Variants in NCOR1 observed in about 807,000 individuals in gnomAD.
NCOR1 encodes the protein protein phosphatase 1, regulatory subunit 109.
In NCOR1, 63 loss-of-function variants were observed where a neutral mutation model predicts 288.1. That is an observed-to-expected ratio of 0.22 (90% CI 0.18 to 0.27). NCOR1 has a LOEUF of 0.27. Ranked by LOEUF, NCOR1 falls within the 10% of genes least tolerant of loss-of-function variation. The pLI, the probability that NCOR1 is intolerant of heterozygous loss-of-function variation, is 1.00. For missense variants in NCOR1, 2,397 were observed against 3,019.2 expected (o/e 0.79, Z 4.83); for synonymous variants, 1,007 against 1,065.9 (o/e 0.94, Z 1.08).
In NCOR1 at chr17:16,064,857, T is replaced by C; in HGVS notation, c.5101+13A>G. ...TGGTTCTATTAGAGAGGTGTGTAAC[T>C]GTACAATCTCACCTGGAGACATGGA... is the stretch of plus-strand genomic sequence containing the variant. On this transcript the variant is annotated intron_variant, in intron 34 of 45. Transcript: ENST00000268712. 2 of 1,591,964 alleles carry C rather than the reference T, an allele frequency of 1.3e-6. No homozygotes were observed. Among genetic ancestry groups the C allele is most frequent in the Non-Finnish European group, 1.7e-6 (2 of 1,166,706 alleles).
At position 16,062,178 on chromosome 17, in the gene NCOR1, G is replaced by T; in HGVS notation, c.5314C>A (p.Pro1772Thr). The T allele has an allele frequency of 6.2e-7, 1 of 1,614,100 alleles. No individual in the cohort carries two copies. The highest frequency in any genetic ancestry group is 8.5e-7 in the Non-Finnish European group (1 of 1,180,018). Residue 1772 changes from proline (P) to threonine (T), a missense_variant, in exon 36 of 46, where the codon CCC (proline) becomes ACC (threonine). Coordinates refer to ENST00000268712, the MANE Select transcript of NCOR1 (RefSeq NM_006311.4). ...RTQETMLQQRPSVFQGTNGTS... is the reference protein window; with the variant it reads ...RTQETMLQQRTSVFQGTNGTS... Reference sequence around the variant, plus strand: ...CCATTGGTTCCTTGGAAAACACTGGGTCTCTGTTGCAACATGGTCTCCTGA... The same window carrying T: ...CCATTGGTTCCTTGGAAAACACTGGTTCTCTGTTGCAACATGGTCTCCTGA...
chr17:16,080,596 AACTCACTG>A lies in NCOR1; in HGVS notation c.3298+3_3298+10del. Reference sequence around the variant, plus strand: ...AACGTAGATGCATTATGACTGTATTAACTCACTGACCTGATTTGGCAGATTCCTGTTGC... The same window carrying A: ...AACGTAGATGCATTATGACTGTATTAACCTGATTTGGCAGATTCCTGTTGC... On this transcript the variant is annotated splice_donor_5th_base_variant and intron_variant, in intron 24 of 45. Transcript: ENST00000268712. 1 of 1,614,156 alleles carries A rather than the reference AACTCACTG, an allele frequency of 6.2e-7. No individual in the cohort carries two copies. Among genetic ancestry groups the A allele is most frequent in the Admixed American group, 1.7e-5 (1 of 60,014 alleles).
chr17:16,127,763 C>T (rs562004985), intron 14 of NCOR1, among the ~76,000 whole-genome samples: 1 of 148,762 alleles, frequency 6.7e-6, no homozygotes, highest in South Asian at 2.1e-4. Flanking sequence ...ATATATATCT[C>T]TCATAGTATA....
At chr17:16,039,717 A>C in intron 43 of NCOR1, 63 bp from the exon 44 acceptor site, 1 of 1,427,250 alleles carries the variant, frequency 7.0e-7, no homozygotes, top group Non-Finnish European at 9.7e-7. Flanking sequence ...ACAAACATGC[A>C]TTGCCCCATC....
intron 1 of NCOR1, among the ~76,000 whole-genome samples, chr17:16,200,861 C>A (rs999083485): frequency 1.3e-5 from 2 of 152,104 alleles, no homozygotes; most frequent in African/African-American, 4.8e-5. Flanking sequence ...CCTGGGCATC[C>A]CAACACCCAA....
intron 10 of NCOR1, among the ~76,000 whole-genome samples, 171 bp from the exon 11 acceptor site, chr17:16,143,867 A>T (rs2153313664): frequency 2.1e-5 from 1 of 47,586 alleles, no homozygotes; most frequent in South Asian, 4.8e-4. Context: ...GTCACCTATT[A>T]ATAACAATTT....
chr17:16,084,600 T>A (rs1486152321), intron 23 of NCOR1, among the ~76,000 whole-genome samples: 2 of 152,210 alleles, frequency 1.3e-5, no homozygotes, highest in Admixed American at 1.3e-4. Flanking sequence ...AAGACTGTGG[T>A]ACTGACAAAA....
At chr17:16,135,338 T>C (rs1233310065) in intron 14 of NCOR1, among the ~76,000 whole-genome samples, 2 of 152,114 alleles carry the variant, frequency 1.3e-5, no homozygotes, top group East Asian at 3.9e-4. Flanking sequence ...TATTTCACTG[T>C]CAACACTCAA....
intron 3 of NCOR1, among the ~76,000 whole-genome samples, chr17:16,177,468 C>T (rs1351813061): frequency 1.3e-5 from 2 of 152,138 alleles, no homozygotes; most frequent in African/African-American, 2.4e-5. Flanking sequence ...ATTGTGGCAG[C>T]CTTTCTCTTT....
At chr17:16,214,746 C>T (rs2092408781) in intron 1 of NCOR1, among the ~76,000 whole-genome samples, 1 of 152,146 alleles carries the variant, frequency 6.6e-6, no homozygotes, top group Non-Finnish European at 1.5e-5. Flanking sequence ...TCTCAAATTC[C>T]TCTCTCCCCA....
rs779559413 is a variant in NCOR1 at position 16,121,085 on chromosome 17, G to A, written c.1819C>T (p.Pro607Ser). ...SAAAAAATEE[P>S]PPPLPPPPEP... ...GGTGGCGGTGGCAGAGGTGGTGGGG[G>A]CTCTTCAGTAGCCGCTGCGGCTGCA... Residue 607 changes from proline to serine, a missense_variant, in exon 16 of 46, where the codon CCC (proline) becomes TCC (serine). Transcript: ENST00000268712. 4 of 1,613,816 alleles carry A rather than the reference G, an allele frequency of 2.5e-6. No homozygotes were observed. Among genetic ancestry groups the A allele is most frequent in the African/African-American group, 2.7e-5 (2 of 74,902 alleles).
chr17:16,096,503 A>G (rs2066644723), intron 21 of NCOR1, among the ~76,000 whole-genome samples: 1 of 152,236 alleles, frequency 6.6e-6, no homozygotes, highest in African/African-American at 2.4e-5. Context: ...ATTTATTCTA[A>G]CTATTCAAAA....
Position 16,138,221 on chromosome 17 carries a change from A to G in NCOR1, c.1353-9T>C, listed in dbSNP as rs1159406792. 1.9e-6 allele frequency: 3 copies of G among 1,606,998 alleles called. No individual in the cohort carries two copies. The highest frequency in any genetic ancestry group is 2.7e-5 in the African/African-American group (2 of 74,542). ...TTGGATGCTGGATAAACCTGAGTGA[A>G]AACGAAAACAAAAACACACTTGCGT... On this transcript the variant is annotated splice_polypyrimidine_tract_variant and intron_variant, in intron 12 of 45. Transcript: ENST00000268712.
At chr17:16,085,403 A>G (rs2064068357) in intron 23 of NCOR1, among the ~76,000 whole-genome samples, 1 of 152,222 alleles carries the variant, frequency 6.6e-6, no homozygotes, top group Admixed American at 6.5e-5. Context: ...AAATAAAAAC[A>G]TATGTCCACA....
chr17:16,199,210 A>ACACACACACAC (rs1555813660), intron 1 of NCOR1, among the ~76,000 whole-genome samples: 65 of 109,216 alleles, frequency 6.0e-4, no homozygotes, highest in Middle Eastern at 4.3e-3. Flanking sequence ...GAAGGAAAAA[A>ACACACACACAC]AAAAAAACAC....
chr17:16,057,530 C>T lies in NCOR1; in HGVS notation c.6376G>A (p.Asp2126Asn). 1 of 1,613,966 alleles carries T rather than the reference C, an allele frequency of 6.2e-7. No individual in the cohort carries two copies. Among genetic ancestry groups the T allele is most frequent in the South Asian group, 1.1e-5 (1 of 91,060 alleles). Residue 2126 changes from aspartate (D) to asparagine (N), a missense_variant, in exon 40 of 46, where the codon GAC (aspartate) becomes AAC (asparagine). By Grantham distance (23) the Asp-to-Asn change is conservative. Around this residue, in one of 11 missense-constraint regions of NCOR1, gnomAD observed 1,872 missense variants for 2,187.8 expected, o/e 0.86. Transcript: ENST00000268712. ...AGATCATACCTTCCCCTGGATTTGT[C>T]CACAAGATTTTCTGGAGAGACCCTT... Reference protein sequence around the residue: ...GSRVSPENLVDKSRGSRPGKS... With the variant: ...GSRVSPENLVNKSRGSRPGKS...
Position 16,032,448 on chromosome 17 carries a change from G to T in NCOR1, c.7171C>A (p.Arg2391=). 1 of 1,611,498 alleles carries T rather than the reference G, an allele frequency of 6.2e-7. No individual in the cohort carries two copies. The highest frequency in any genetic ancestry group is 8.5e-7 in the Non-Finnish European group (1 of 1,179,162). Residue 2391 remains arginine (R), a synonymous_variant, in exon 46 of 46, where the codon CGG becomes AGG. Coordinates refer to ENST00000268712, the MANE Select transcript of NCOR1 (RefSeq NM_006311.4). ...TQFPYNPLTM[R]MLSSTPPTPI... is the part of the protein sequence containing the mutation. ...GTTGGTGGAGTACTGCTGAGCATCC[G>T]CATAGTCAGAGGGTTATAAGGAAAC...
chr17:16,106,158 T>G (rs1051117080), intron 19 of NCOR1, among the ~76,000 whole-genome samples: 1 of 152,062 alleles, frequency 6.6e-6, no homozygotes, highest in Non-Finnish European at 1.5e-5. Context: ...TACTGAAAGA[T>G]CCTACCAAAG....
intron 3 of NCOR1, among the ~76,000 whole-genome samples, chr17:16,181,421 G>A (rs2052727482): frequency 6.7e-6 from 1 of 149,272 alleles, no homozygotes; most frequent in East Asian, 2.0e-4. Flanking sequence ...AATACACAGG[G>A]ATAGAGAATG....
Sources: allele counts gnomAD v4.1 joint callset (sites outside exome capture counted in the v4.1 genomes callset), GRCh38; gene constraint gnomAD v4.1.1; regional missense constraint gnomAD v4.1.1; transcripts MANE v1.5; gene names NCBI Gene and HGNC (gene_info 2026-07-23, HGNC 2026-07-21).